The following ARHGEF28 variants were observed in gnomAD, a reference collection of about 807,000 sequenced individuals.
ARHGEF28 encodes Rho guanine nucleotide exchange factor 28, also known as 190 kDa guanine nucleotide exchange factor.
Under a neutral mutation model 206.6 loss-of-function variants are expected in ARHGEF28, and 152 were observed. The observed-to-expected ratio is 0.74, with a 90% CI of 0.64 to 0.84. ARHGEF28 has a LOEUF of 0.84. Ranked by LOEUF, ARHGEF28 falls within the 40% of genes least tolerant of loss-of-function variation. The probability of loss-of-function intolerance (pLI) is 0.00; values close to 1 mark genes in which losing one functional copy is unlikely to be tolerated. For synonymous variants in ARHGEF28, 763 were observed against 776.4 expected (o/e 0.98, Z 0.29); for missense variants, 2,028 against 2,073.2 (o/e 0.98, Z 0.42).
intron 4 of ARHGEF28, among the ~76,000 whole-genome samples, chr5:73,768,512 A>G (rs975712263): frequency 2.0e-5 from 3 of 152,140 alleles, no homozygotes; most frequent in African/African-American, 7.2e-5. Flanking sequence ...GCTCCACTGA[A>G]TTTCAGACTT....
At chr5:73,809,411 C>T (rs542613589) in intron 9 of ARHGEF28, among the ~76,000 whole-genome samples, 52 of 152,106 alleles carry the variant, frequency 3.4e-4, no homozygotes, top group Non-Finnish European at 6.3e-4. Context: ...AACTAAGGCT[C>T]AGAAAATGGG....
intron 35 of ARHGEF28, among the ~76,000 whole-genome samples, chr5:73,912,390 T>C (rs980321110): frequency 2.0e-5 from 3 of 152,196 alleles, no homozygotes; most frequent in Non-Finnish European, 4.4e-5. Context: ...AGTATAGAAG[T>C]CTTCAGAACT....
At chr5:73,909,052 G>A (rs1298778385) in intron 33 of ARHGEF28, 2 of 176,744 alleles carry the variant, frequency 1.1e-5, no homozygotes, top group African/African-American at 4.7e-5. Context: ...AGAGTGAGAT[G>A]TAGGACAGGA....
intron 11 of ARHGEF28, 131 bp from the exon 12 acceptor site, chr5:73,846,137 T>A (rs1191329691): frequency 2.6e-6 from 2 of 778,172 alleles, no homozygotes; most frequent in Admixed American, 5.6e-5. Flanking sequence ...TAAATACTAG[T>A]TGGAAATTAA....
intron 1 of ARHGEF28, among the ~76,000 whole-genome samples, chr5:73,662,960 A>C (rs1336205355): frequency 6.6e-6 from 1 of 152,054 alleles, no homozygotes; most frequent in Non-Finnish European, 1.5e-5. Flanking sequence ...TTTTTAAAAA[A>C]TTGTTATTAT....
chr5:73,752,614 G>T (rs151215201), intron 3 of ARHGEF28, among the ~76,000 whole-genome samples: 5 of 152,196 alleles, frequency 3.3e-5, no homozygotes, highest in Non-Finnish European at 7.3e-5. Flanking sequence ...GGAGTAAAAG[G>T]TTAAAGGAAT....
Position 73,868,232 on chromosome 5 carries a change from G to A in ARHGEF28, c.2425+5G>A, listed in dbSNP as rs1308528150. 5.7e-6 allele frequency: 9 copies of A among 1,569,004 alleles called. No homozygotes were observed. Among genetic ancestry groups the A allele is most frequent in the Non-Finnish European group, 6.9e-6 (8 of 1,154,562 alleles). On this transcript the variant is annotated splice_donor_5th_base_variant and intron_variant, in intron 20 of 35. Transcript: ENST00000513042. ...CAGAGTCTTTCATAATGGAAGGTGA[G>A]GAGAAGACACACTTCCATTTATTTG...
rs146208851 is a variant in ARHGEF28, at chr5:73,915,115, T to C, written c.4948+3540T>C. Among the ~76,000 whole-genome samples, 8 of 152,302 alleles carry C rather than the reference T, an allele frequency of 5.3e-5. No individual in the cohort carries two copies. The East Asian group carries it at 1.5e-3, about 29-fold the overall frequency. On this transcript the variant is annotated intron_variant, in intron 35 of 35. Transcript: ENST00000513042. ...CCTTTTGTAATGCCTAGTGGGATGT[T>C]CATGATTAAGGACCAGGTTTTTGTT...
chr5:73,793,516 C>T (rs1358330486), intron 7 of ARHGEF28, among the ~76,000 whole-genome samples: 2 of 152,110 alleles, frequency 1.3e-5, no homozygotes, highest in Admixed American at 6.5e-5. Flanking sequence ...AAACTTCAGG[C>T]GTTTCCCCAG....
At chr5:73,791,431 C>T (rs1364380880) in intron 7 of ARHGEF28, among the ~76,000 whole-genome samples, 1 of 152,200 alleles carries the variant, frequency 6.6e-6, no homozygotes, top group Non-Finnish European at 1.5e-5. Context: ...TTTGACACTA[C>T]CCTGTAGATG....
At chr5:73,709,593 G>A (rs1355518716) in intron 2 of ARHGEF28, among the ~76,000 whole-genome samples, 2 of 152,142 alleles carry the variant, frequency 1.3e-5, no homozygotes, top group Admixed American at 1.3e-4. Context: ...GTAACGGTTG[G>A]TCAGCTGCTT....
At chr5:73,817,272 A>G (rs1276522751) in intron 9 of ARHGEF28, among the ~76,000 whole-genome samples, 1 of 152,252 alleles carries the variant, frequency 6.6e-6, no homozygotes, top group African/African-American at 2.4e-5. Context: ...AAACCAGGCT[A>G]CAATTGCCAA....
rs1416282872 is a variant in ARHGEF28 at position 73,911,533 on chromosome 5, A to G, written c.4906A>G (p.Ile1636Val). 2 of 1,612,308 alleles carry G rather than the reference A, an allele frequency of 1.2e-6. No individual in the cohort carries two copies. The highest frequency in any genetic ancestry group is 1.7e-6 in the Non-Finnish European group (2 of 1,179,074). The part of the protein sequence containing the change: ...LWTAAGSGHQ[I>V]LPFHESSKDS... ...GACAGCCGCTGGTTCCGGCCATCAG[A>G]TACTTCCTTTCCATGAAAGCAGCAA... The change falls in exon 35 of 36, where the codon ATA (isoleucine) becomes GTA (valine). Residue 1636 changes from isoleucine (I) to valine (V), a missense_variant. This residue lies in a region of ARHGEF28 where 803 missense variants were observed against 768.0 expected (regional missense o/e 1.05). Transcript: ENST00000513042.
At chr5:73,631,351 CT>C (rs1398802296) in intron 1 of ARHGEF28, among the ~76,000 whole-genome samples, 2 of 152,074 alleles carry the variant, frequency 1.3e-5, no homozygotes, top group African/African-American at 4.8e-5. Flanking sequence ...AGTGCTTCTC[CT>C]TTTCTTGCTT....
At chr5:73,707,862 G>A (rs531002337) in intron 2 of ARHGEF28, among the ~76,000 whole-genome samples, 4 of 152,008 alleles carry the variant, frequency 2.6e-5, no homozygotes, top group Non-Finnish European at 5.9e-5. Context: ...GTATATCTCT[G>A]GAAAATAGAA....
intron 2 of ARHGEF28, among the ~76,000 whole-genome samples, chr5:73,727,120 A>G (rs1750320286): frequency 6.6e-6 from 1 of 152,146 alleles, no homozygotes; most frequent in South Asian, 2.1e-4. Context: ...TGTCATGATC[A>G]TTACAAAGTC....
At chr5:73,681,172 TATC>T in intron 1 of ARHGEF28, among the ~76,000 whole-genome samples, 1 of 152,044 alleles carries the variant, frequency 6.6e-6, no homozygotes, top group East Asian at 1.9e-4. Context: ...CTTCTAATTT[TATC>T]ATCAAGTTAA....
chr5:73,938,146 A>G (rs1764519783), intron 35 of ARHGEF28, among the ~76,000 whole-genome samples: 2 of 130,668 alleles, frequency 1.5e-5, no homozygotes, highest in Admixed American at 1.7e-4. Context: ...TTCTGATTAA[A>G]CTTCTACACT....
At position 73,684,941 on chromosome 5, in the gene ARHGEF28, A is replaced by G. The variant is rs1437539074; in HGVS notation, c.33+57A>G. 5.1e-6 allele frequency: 8 copies of G among 1,561,122 alleles called. No individual in the cohort carries two copies. The Admixed American group carries it at 5.3e-5, about 10-fold the overall frequency. On this transcript the variant is annotated intron_variant, in intron 2 of 35. Coordinates refer to ENST00000513042, the MANE Select transcript of ARHGEF28 (RefSeq NM_001177693.2). ...AGGGGCCCTTTCTTAACTCCAAACC[A>G]TGTGACTGAAGTGGGGAGAAATGTT...
Sources: allele counts gnomAD v4.1 joint callset (sites outside exome capture counted in the v4.1 genomes callset), GRCh38; gene constraint gnomAD v4.1.1; regional missense constraint gnomAD v4.1.1; transcripts MANE v1.5; gene names NCBI Gene and HGNC (gene_info 2026-07-23, HGNC 2026-07-21).